The following CACNA2D3 variants were observed in gnomAD, a reference collection of about 807,000 sequenced individuals.
CACNA2D3 encodes the protein calcium voltage-gated channel auxiliary subunit alpha2delta 3.
CACNA2D3 carries 60 observed loss-of-function variants against 160.6 expected under a neutral mutation model. The ratio of observed to expected loss-of-function variants is 0.37; its 90% CI spans 0.30 to 0.46. The LOEUF is 0.46. Among genes scored for constraint, CACNA2D3 ranks in the 20% least tolerant of loss-of-function variants. The probability of loss-of-function intolerance (pLI) is 1.00; values close to 1 mark genes in which losing one functional copy is unlikely to be tolerated. For synonymous variants in CACNA2D3, 558 were observed against 492.9 expected, an observed-to-expected ratio of 1.13 and a Z score of -1.75; for missense variants, 1,205 against 1,365.0, an observed-to-expected ratio of 0.88 and a Z score of 1.85.
chr3:54,508,812 G>A (rs1002349122), intron 5 of CACNA2D3, among the ~76,000 whole-genome samples: 3 of 152,178 alleles, frequency 2.0e-5, no homozygotes, highest in Admixed American at 2.0e-4. Flanking sequence ...TGTGCTCAGG[G>A]TCCAGCCCCT....
At chr3:55,008,997 G>C (rs1427855121) in intron 33 of CACNA2D3, among the ~76,000 whole-genome samples, 1 of 151,388 alleles carries the variant, frequency 6.6e-6, no homozygotes, top group African/African-American at 2.4e-5. Flanking sequence ...TCATAGTCTT[G>C]GTAGAGGAGA....
At chr3:54,802,566 G>A (rs1259847674) in intron 13 of CACNA2D3, among the ~76,000 whole-genome samples, 1 of 152,122 alleles carries the variant, frequency 6.6e-6, no homozygotes, top group Non-Finnish European at 1.5e-5. Context: ...GATCTGCCAT[G>A]GTGTGTACCT....
intron 2 of CACNA2D3, among the ~76,000 whole-genome samples, chr3:54,295,409 C>A (rs2107482971): frequency 6.8e-6 from 1 of 147,272 alleles, no homozygotes; most frequent in African/African-American, 2.5e-5. Context: ...ATGACACAGC[C>A]TCAGAAGGTC....
chr3:54,936,749 G>T (rs1701339303), intron 27 of CACNA2D3, among the ~76,000 whole-genome samples: 1 of 152,162 alleles, frequency 6.6e-6, no homozygotes, highest in African/African-American at 2.4e-5. Context: ...AAAGCATGTA[G>T]TCATCTCCCC....
chr3:54,429,978 C>A (rs1428312025), intron 4 of CACNA2D3, among the ~76,000 whole-genome samples: 2 of 152,104 alleles, frequency 1.3e-5, no homozygotes, highest in Admixed American at 6.5e-5. Context: ...CTGTTTAGAG[C>A]AATAGGGAAT....
At chr3:54,925,705 A>C (rs576631912) in intron 27 of CACNA2D3, among the ~76,000 whole-genome samples, 40 of 152,332 alleles carry the variant, frequency 2.6e-4, no homozygotes, top group African/African-American at 9.4e-4. Context: ...ATGGGAGCCA[A>C]TAGCCATGTG....
chr3:54,953,888 C>T (rs1431937931), intron 27 of CACNA2D3, among the ~76,000 whole-genome samples: 2 of 152,138 alleles, frequency 1.3e-5, no homozygotes, highest in South Asian at 2.1e-4. Context: ...GTCTGAGTAG[C>T]CTCTTGAGGT....
chr3:54,258,272 A>C (rs1702339080), intron 2 of CACNA2D3, among the ~76,000 whole-genome samples: 4 of 152,168 alleles, frequency 2.6e-5, no homozygotes, highest in African/African-American at 7.2e-5. Flanking sequence ...GATTCTGTGG[A>C]CAGTAAATTC....
At chr3:54,998,009 A>G (rs896497464) in intron 31 of CACNA2D3, among the ~76,000 whole-genome samples, 7 of 152,062 alleles carry the variant, frequency 4.6e-5, no homozygotes, top group African/African-American at 9.7e-5. Context: ...TTTGATTACT[A>G]GCGTGCTGAT....
chr3:54,638,667 G>T (rs953196830), intron 10 of CACNA2D3: 12 of 151,926 alleles, frequency 7.9e-5, no homozygotes, highest in Non-Finnish European at 1.2e-4. Context: ...GTTGCACTGG[G>T]CACAGAGACT....
intron 35 of CACNA2D3, among the ~76,000 whole-genome samples, chr3:55,066,981 T>A (rs532255799): frequency 4.3e-4 from 66 of 152,268 alleles, no homozygotes; most frequent in African/African-American, 1.5e-3. Context: ...ATACACATTG[T>A]ACACATAAAT....
At chr3:54,911,337 T>C (rs1482399659) in intron 27 of CACNA2D3, among the ~76,000 whole-genome samples, 24 of 103,624 alleles carry the variant, frequency 2.3e-4, no homozygotes, top group Admixed American at 5.5e-4. Context: ...CTCCTCCCCC[T>C]CCTTCTTTGT....
At chr3:55,000,544 A>G (rs1200611855) in intron 31 of CACNA2D3, among the ~76,000 whole-genome samples, 1 of 152,220 alleles carries the variant, frequency 6.6e-6, no homozygotes, top group African/African-American at 2.4e-5. Flanking sequence ...TGTTCTGCGC[A>G]TGTATACTAT....
At chr3:54,958,072 A>G (rs1269199675) in intron 27 of CACNA2D3, among the ~76,000 whole-genome samples, 1 of 152,252 alleles carries the variant, frequency 6.6e-6, no homozygotes, top group Non-Finnish European at 1.5e-5. Flanking sequence ...CTGTGCTGGT[A>G]GCTTCTCTAG....
At chr3:54,782,825 T>G (rs917736487) in intron 13 of CACNA2D3, among the ~76,000 whole-genome samples, 6 of 152,128 alleles carry the variant, frequency 3.9e-5, no homozygotes, top group Non-Finnish European at 7.4e-5. Flanking sequence ...CTGTGCAAAT[T>G]GATGATGCAC....
chr3:54,851,569 G>A (rs1033583401), intron 17 of CACNA2D3, among the ~76,000 whole-genome samples: 1 of 152,136 alleles, frequency 6.6e-6, no homozygotes, highest in Admixed American at 6.5e-5. Flanking sequence ...GGAGTGACTG[G>A]GATACCTGGT....
At chr3:54,836,242 G>C (rs76283837) in intron 14 of CACNA2D3, among the ~76,000 whole-genome samples, 10 of 78,830 alleles carry the variant, frequency 1.3e-4, no homozygotes, top group South Asian at 7.3e-4. Flanking sequence ...TTTTTTTTTT[G>C]TTTTTGTTTT....
intron 13 of CACNA2D3, among the ~76,000 whole-genome samples, chr3:54,810,600 G>T (rs1212084234): frequency 6.6e-6 from 1 of 152,170 alleles, no homozygotes; most frequent in Non-Finnish European, 1.5e-5. Flanking sequence ...TTTACAAATG[G>T]AATAAAGATA....
intron 2 of CACNA2D3, among the ~76,000 whole-genome samples, chr3:54,302,826 G>T (rs1703509406): frequency 6.6e-6 from 1 of 151,726 alleles, no homozygotes; most frequent in Non-Finnish European, 1.5e-5. Context: ...TTGGGGCTTT[G>T]GTCCCGGGAC....
Sources: gnomAD v4.1 joint callset for allele counts (sites outside exome capture counted in the v4.1 genomes callset) on GRCh38, gnomAD v4.1.1 for gene constraint, MANE v1.5 for transcripts, NCBI Gene and HGNC (gene_info 2026-07-23, HGNC 2026-07-21) for gene names.